USH2A: variants seen among roughly 807,000 people sequenced by gnomAD.
USH2A encodes the protein usherin, also known as Usher syndrome 2A (autosomal recessive, mild).
In USH2A, 443 loss-of-function variants were observed where a neutral mutation model predicts 538.9. That is an observed-to-expected ratio of 0.82 (90% CI 0.76 to 0.89). The LOEUF (loss-of-function observed/expected upper bound fraction) is 0.89, where lower values mean the gene tolerates loss of function less well. USH2A is among the 40% of genes least tolerant of loss of function. The pLI is 0.00. For synonymous variants in USH2A, 2,413 were observed against 2,273.5 expected (o/e 1.06, Z -1.75); for missense variants, 6,633 against 6,324.8 (o/e 1.05, Z -1.65).
chr1:215,648,152 G>C (rs1452767142), intron 66 of USH2A, among the ~76,000 whole-genome samples: 1 of 152,116 alleles, frequency 6.6e-6, no homozygotes, highest in Non-Finnish European at 1.5e-5. Flanking sequence ...TTAGATCAGG[G>C]CAATTCTGAT....
intron 10 of USH2A, among the ~76,000 whole-genome samples, chr1:216,290,904 C>A (rs2036987854): frequency 6.6e-6 from 1 of 152,126 alleles, no homozygotes; most frequent in African/African-American, 2.4e-5. Flanking sequence ...ACTCTGCTCA[C>A]AAAACACTCA....
At chr1:215,688,128 A>G (rs1048835987) in intron 61 of USH2A, among the ~76,000 whole-genome samples, 2 of 152,082 alleles carry the variant, frequency 1.3e-5, no homozygotes, top group South Asian at 4.1e-4. Flanking sequence ...TCCTTGAAGA[A>G]GTTACATTTA....
rs727503722 is a variant in USH2A, at chr1:215,970,708, G to A, written c.6874C>T (p.Arg2292Cys). 7 of 1,613,668 alleles carry A rather than the reference G, an allele frequency of 4.3e-6. No individual in the cohort carries two copies. The East Asian group carries it at 6.7e-5, about 15-fold the overall frequency. ...CTCCAAGGAGCAAATCCGTAAGCACGATAGCTGAGTTCTGAGGAATTGTGG... is the reference window on the plus strand; with the variant it reads ...CTCCAAGGAGCAAATCCGTAAGCACAATAGCTGAGTTCTGAGGAATTGTGG... ...LIHNSSELSYRAYGFAPWSLH... is the reference protein window; with the variant it reads ...LIHNSSELSYCAYGFAPWSLH... The change falls in exon 36 of 72, where the codon CGT (arginine) becomes TGT (cysteine). Residue 2292 changes from arginine to cysteine, a missense_variant. By Grantham distance (180) the Arg-to-Cys change is radical. Transcript: ENST00000307340.
At chr1:216,254,527 TCAAA>T (rs1292474003) in intron 11 of USH2A, among the ~76,000 whole-genome samples, 1 of 152,208 alleles carries the variant, frequency 6.6e-6, no homozygotes, top group Non-Finnish European at 1.5e-5. Context: ...CAAATATGAT[TCAAA>T]CAGACAATTT....
At chr1:215,733,959 T>A (rs1391062994) in intron 60 of USH2A, among the ~76,000 whole-genome samples, 1 of 152,176 alleles carries the variant, frequency 6.6e-6, no homozygotes, top group Non-Finnish European at 1.5e-5. Context: ...AGTGGCCCCC[T>A]TCCCACAGCT....
At chr1:216,238,740 TG>T (rs2102532891) in intron 13 of USH2A, among the ~76,000 whole-genome samples, 1 of 152,322 alleles carries the variant, frequency 6.6e-6, no homozygotes, top group East Asian at 1.9e-4. Flanking sequence ...TCCTTAATAA[TG>T]TTTTTTAGGA....
intron 56 of USH2A, among the ~76,000 whole-genome samples, chr1:215,763,845 G>A (rs1177457288): frequency 6.6e-6 from 1 of 151,686 alleles, no homozygotes; most frequent in Non-Finnish European, 1.5e-5. Context: ...TAAAAGGGAC[G>A]GGAAAGAAGA....
At chr1:216,009,613 G>GTCCAA (rs1668494161) in intron 32 of USH2A, among the ~76,000 whole-genome samples, 1 of 151,836 alleles carries the variant, frequency 6.6e-6, no homozygotes. Context: ...AACCCCAAGC[G>GTCCAA]TCCAAGCGTG....
At chr1:216,173,676 C>A (rs796390454) in intron 21 of USH2A, among the ~76,000 whole-genome samples, 4 of 152,090 alleles carry the variant, frequency 2.6e-5, no homozygotes, top group Non-Finnish European at 4.4e-5. Flanking sequence ...GCGAGGATGA[C>A]CAAATTTATT....
intron 8 of USH2A, among the ~76,000 whole-genome samples, chr1:216,323,250 A>G (rs1418849913): frequency 7.0e-6 from 1 of 143,638 alleles, no homozygotes; most frequent in African/African-American, 2.6e-5. Flanking sequence ...ATATAAATAT[A>G]TATATATTTA....
intron 35 of USH2A, among the ~76,000 whole-genome samples, chr1:215,990,462 T>G (rs1462326073): frequency 6.6e-6 from 1 of 152,158 alleles, no homozygotes; most frequent in African/African-American, 2.4e-5. Flanking sequence ...CAATAAAAAG[T>G]AGAACATTGT....
At chr1:215,952,523 G>T (rs1267088634) in intron 37 of USH2A, among the ~76,000 whole-genome samples, 1 of 152,180 alleles carries the variant, frequency 6.6e-6, no homozygotes, top group African/African-American at 2.4e-5. Context: ...GGTACTGGTT[G>T]TTCCTTTCCA....
intron 32 of USH2A, among the ~76,000 whole-genome samples, chr1:216,031,997 G>A (rs987280181): frequency 6.6e-6 from 1 of 152,088 alleles, no homozygotes; most frequent in Non-Finnish European, 1.5e-5. Flanking sequence ...TGTCACACAT[G>A]TTACAGAATT....
At chr1:216,181,447 A>G (rs2034493179) in intron 20 of USH2A, among the ~76,000 whole-genome samples, 1 of 152,082 alleles carries the variant, frequency 6.6e-6, no homozygotes, top group African/African-American at 2.4e-5. Flanking sequence ...TTACCTTAGC[A>G]TGGCATACAA....
chr1:215,651,839 G>A lies in USH2A; in HGVS notation c.14134-1038C>T, dbSNP rs180690999. ...CATTAGACAGATTTTTAGTAGTTAG[G>A]TCAACTCCTATCAGTGGTTTTCATA... On this transcript the variant is annotated intron_variant, in intron 64 of 71. Coordinates refer to ENST00000307340, the MANE Select transcript of USH2A (RefSeq NM_206933.4). Among the ~76,000 whole-genome samples the A allele has an allele frequency of 3.2e-4, 49 of 152,282 alleles. No individual in the cohort carries two copies. In the East Asian group the frequency reaches 9.4e-3, roughly 29 times the overall value.
At chr1:215,709,714 A>T (rs1659284991) in intron 61 of USH2A, among the ~76,000 whole-genome samples, 1 of 150,986 alleles carries the variant, frequency 6.6e-6, no homozygotes, top group South Asian at 2.1e-4. Context: ...GCTGACTATT[A>T]TTGGTAAAAA....
intron 3 of USH2A, among the ~76,000 whole-genome samples, chr1:216,394,816 T>C (rs1269562748): frequency 1.4e-5 from 2 of 145,234 alleles, no homozygotes; most frequent in African/African-American, 5.0e-5. Context: ...CCTCCCGGGT[T>C]CACGCCATTC....
intron 18 of USH2A, among the ~76,000 whole-genome samples, chr1:216,197,253 A>G (rs2034870937): frequency 6.6e-6 from 1 of 152,158 alleles, no homozygotes. Context: ...TGTTCAGGTT[A>G]CATACACATG....
At chr1:216,147,014 G>A (rs2033719898) in intron 21 of USH2A, among the ~76,000 whole-genome samples, 1 of 152,136 alleles carries the variant, frequency 6.6e-6, no homozygotes, top group Admixed American at 6.5e-5. Context: ...AATAATTCTT[G>A]TCATAAAATA....
Sources: allele counts gnomAD v4.1 joint callset (sites outside exome capture counted in the v4.1 genomes callset), GRCh38; gene constraint gnomAD v4.1.1; transcripts MANE v1.5; gene names NCBI Gene and HGNC (gene_info 2026-07-23, HGNC 2026-07-21).